MYO3B: variants seen among roughly 807,000 people sequenced by gnomAD.
MYO3B encodes myosin IIIB, also known as myosin-IIIb.
Under a neutral mutation model 174.6 loss-of-function variants are expected in MYO3B, and 156 were observed. That is an observed-to-expected ratio of 0.89 (90% CI 0.78 to 1.02). MYO3B has a LOEUF of 1.02. Ranked by LOEUF, MYO3B falls within the 50% of genes least tolerant of loss-of-function variation. MYO3B has a pLI of 0.00. For missense variants in MYO3B, 1,632 were observed against 1,639.4 expected, an observed-to-expected ratio of 1.00 and a Z score of 0.08; for synonymous variants, 563 against 569.1, an observed-to-expected ratio of 0.99 and a Z score of 0.15.
chr2:170,377,697 C>T (rs1404942370), intron 9 of MYO3B, among the ~76,000 whole-genome samples: 2 of 152,178 alleles, frequency 1.3e-5, no homozygotes, highest in Non-Finnish European at 2.9e-5. Flanking sequence ...TCTGAGAAGC[C>T]AGCCTTGGCA....
intron 25 of MYO3B, among the ~76,000 whole-genome samples, chr2:170,471,843 TAGCTG>T (rs1458072774): frequency 6.6e-6 from 1 of 151,894 alleles, no homozygotes; most frequent in African/African-American, 2.4e-5. Flanking sequence ...AATACAAAAT[TAGCTG>T]GGCATGGTGG....
At chr2:170,215,573 GAA>G (rs1428753256) in intron 5 of MYO3B, among the ~76,000 whole-genome samples, 4 of 151,826 alleles carry the variant, frequency 2.6e-5, no homozygotes, top group African/African-American at 9.7e-5. Context: ...TTTTTTAAAA[GAA>G]TATTTATTGT....
At position 170,610,703 on chromosome 2, in the gene MYO3B, A is replaced by G. The variant is rs777172241; in HGVS notation, c.3734-40925A>G. 8.9e-4 allele frequency among the ~76,000 whole-genome samples: 135 copies of G among 152,356 alleles called. 1 individual carries two copies. The highest frequency in any genetic ancestry group is 9.4e-4 in the Non-Finnish European group (64 of 68,036). ...TACTAAAGCATACCCAGGAAAAACC[A>G]ACAGAGTACAGTACTTTTTATCAGT... On this transcript the variant is annotated intron_variant, in intron 32 of 34. Transcript: ENST00000408978.
At chr2:170,392,251 C>G (rs1359431338) in intron 15 of MYO3B, 130 bp from the exon 16 acceptor site, 1 of 553,482 alleles carries the variant, frequency 1.8e-6, no homozygotes, top group Admixed American at 3.1e-5. Context: ...TATGATCACA[C>G]CACTGCACTT....
At chr2:170,558,076 C>T (rs566316958) in intron 32 of MYO3B, among the ~76,000 whole-genome samples, 1 of 152,114 alleles carries the variant, frequency 6.6e-6, no homozygotes, top group Non-Finnish European at 1.5e-5. Flanking sequence ...CCAAGGCGGG[C>T]GGATCACAAG....
intron 32 of MYO3B, among the ~76,000 whole-genome samples, chr2:170,588,270 C>G (rs897881420): frequency 6.7e-6 from 1 of 149,824 alleles, no homozygotes; most frequent in African/African-American, 2.5e-5. Context: ...CATCTCTATA[C>G]AAAAAAAAGA....
At position 170,210,437 on chromosome 2, in the gene MYO3B, C is replaced by T. The variant is rs146641622; in HGVS notation, c.322-3942C>T. Among the ~76,000 whole-genome samples the T allele has an allele frequency of 7.4e-3, 1,122 of 152,210 alleles. 10 individuals carry two copies. Among genetic ancestry groups the T allele is most frequent in the African/African-American group, 0.025 (1,045 of 41,526 alleles). On this transcript the variant is annotated intron_variant, in intron 3 of 34. Coordinates refer to ENST00000408978, the MANE Select transcript of MYO3B (RefSeq NM_138995.5). ...CATACCTTGCGTGTAAATCTATTTCCAGTAGTTTCAATTACATGTTATAAT... is the reference window on the plus strand; with the variant it reads ...CATACCTTGCGTGTAAATCTATTTCTAGTAGTTTCAATTACATGTTATAAT...
At chr2:170,634,260 C>T (rs1286244970) in intron 32 of MYO3B, among the ~76,000 whole-genome samples, 2 of 152,028 alleles carry the variant, frequency 1.3e-5, no homozygotes, top group Non-Finnish European at 2.9e-5. Flanking sequence ...GTACTGGTAC[C>T]AAAACAGAGA....
intron 16 of MYO3B, among the ~76,000 whole-genome samples, chr2:170,396,825 A>G (rs1205313112): frequency 6.6e-6 from 1 of 150,900 alleles, no homozygotes; most frequent in East Asian, 1.9e-4. Context: ...TACATGAAGA[A>G]AGAGAGAGAG....
chr2:170,340,035 CAG>C (rs1193891911), intron 8 of MYO3B: 1 of 152,158 alleles, frequency 6.6e-6, no homozygotes, highest in African/African-American at 2.4e-5. Flanking sequence ...AGGCTCCATT[CAG>C]AAGTAGCCTT....
chr2:170,622,175 A>C (rs1390602616), intron 32 of MYO3B, among the ~76,000 whole-genome samples: 1 of 152,242 alleles, frequency 6.6e-6, no homozygotes, highest in African/African-American at 2.4e-5. Context: ...GAAAGCCTGA[A>C]CTACTTAATG....
chr2:170,612,566 C>T (rs560151355), intron 32 of MYO3B, among the ~76,000 whole-genome samples: 87 of 152,274 alleles, frequency 5.7e-4, no homozygotes, highest in African/African-American at 2.0e-3. Flanking sequence ...ACAGAATAAG[C>T]ACTGAATAAA....
chr2:170,411,283 T>A (rs1263399785), intron 22 of MYO3B, among the ~76,000 whole-genome samples: 1 of 152,170 alleles, frequency 6.6e-6, no homozygotes, highest in East Asian at 1.9e-4. Flanking sequence ...TTCTGAGAAA[T>A]GCATCGTTAG....
intron 32 of MYO3B, among the ~76,000 whole-genome samples, chr2:170,639,607 CAT>C (rs1476343094): frequency 6.6e-6 from 1 of 152,218 alleles, no homozygotes; most frequent in Admixed American, 6.5e-5. Flanking sequence ...AATAGCAAAC[CAT>C]TGCTGAAGCT....
At chr2:170,438,425 A>G (rs557003615) in intron 22 of MYO3B, among the ~76,000 whole-genome samples, 1 of 145,404 alleles carries the variant, frequency 6.9e-6, no homozygotes, top group East Asian at 2.1e-4. Context: ...CTTGTTTTCA[A>G]TTCTTTTAGG....
chr2:170,349,002 A>G (rs1424709033), intron 8 of MYO3B, among the ~76,000 whole-genome samples: 2 of 152,162 alleles, frequency 1.3e-5, no homozygotes, highest in African/African-American at 4.8e-5. Context: ...CCTGCACAAA[A>G]CAGTCAGTGT....
intron 7 of MYO3B, among the ~76,000 whole-genome samples, chr2:170,326,649 C>G (rs922038294): frequency 3.3e-5 from 5 of 152,218 alleles, no homozygotes. Flanking sequence ...TCATGCATGG[C>G]TGAATTGCTT....
intron 7 of MYO3B, among the ~76,000 whole-genome samples, chr2:170,246,359 G>T (rs2093189377): frequency 6.6e-6 from 1 of 152,218 alleles, no homozygotes; most frequent in Non-Finnish European, 1.5e-5. Flanking sequence ...TTGAACTGTG[G>T]TGTGCCCCCT....
At chr2:170,429,531 G>A (rs1220928170) in intron 22 of MYO3B, among the ~76,000 whole-genome samples, 1 of 152,150 alleles carries the variant, frequency 6.6e-6, no homozygotes, top group African/African-American at 2.4e-5. Flanking sequence ...AGGGAGTGGT[G>A]AGTAACTTGT....
Sources: allele counts gnomAD v4.1 joint callset (sites outside exome capture counted in the v4.1 genomes callset), GRCh38; gene constraint gnomAD v4.1.1; transcripts MANE v1.5; gene names NCBI Gene and HGNC (gene_info 2026-07-23, HGNC 2026-07-21).